Variants in UBN2 observed in about 807,000 individuals in gnomAD.
The protein encoded by UBN2 is ubinuclein-2.
In UBN2, 35 loss-of-function variants were observed where a neutral mutation model predicts 120.2. The observed-to-expected ratio is 0.29, with a 90% CI of 0.22 to 0.39. The LOEUF is 0.39. Ranked by LOEUF, UBN2 falls within the 10% of genes least tolerant of loss-of-function variation. The pLI is 1.00. For synonymous variants in UBN2, 661 were observed against 648.7 expected (o/e 1.02, Z -0.29); for missense variants, 1,693 against 1,663.2 (o/e 1.02, Z -0.31).
chr7:139,236,219 G>T (rs6965283), intron 1 of UBN2, among the ~76,000 whole-genome samples: 151,820 of 151,952 alleles, frequency 1, 75,844 homozygotes, highest in Middle Eastern at 1. Flanking sequence ...GTGTGTGTGT[G>T]TTAAACCATG....
Position 139,272,400 on chromosome 7 carries a change from CAGG to C in UBN2, c.1680_1682del (p.Glu560del). 1 of 1,613,648 alleles carries C rather than the reference CAGG, an allele frequency of 6.2e-7. No homozygotes were observed. Among genetic ancestry groups the C allele is most frequent in the East Asian group, 2.2e-5 (1 of 44,876 alleles). ...CATGCCTGAACAGCTATTTAAATAC[CAGG>C]AGGACTGCCAGGCTCGTAGTCAAGC... On this transcript the variant is annotated inframe_deletion, in exon 9 of 18. Coordinates refer to ENST00000473989, the MANE Select transcript of UBN2 (RefSeq NM_173569.4).
intron 3 of UBN2, among the ~76,000 whole-genome samples, chr7:139,253,993 A>ATGTGGGTTTGGAC (rs1796689813): frequency 6.6e-6 from 1 of 152,138 alleles, no homozygotes; most frequent in Non-Finnish European, 1.5e-5. Flanking sequence ...TCAAACTCCT[A>ATGTGGGTTTGGAC]AGTTAATTCT....
At chr7:139,316,100 AAAAAAAAG>A in the UBN2 span, among the ~76,000 whole-genome samples, 46 of 139,858 alleles carry the variant, frequency 3.3e-4, 2 homozygotes, top group Middle Eastern at 3.7e-3. Flanking sequence ...AAAAAAAAAA[AAAAAAAAG>A]GGGTTCCAGT....
At chr7:139,237,441 G>C (rs541437949) in intron 2 of UBN2, among the ~76,000 whole-genome samples, 2 of 151,978 alleles carry the variant, frequency 1.3e-5, no homozygotes, top group Admixed American at 1.3e-4. Flanking sequence ...TGACTACAGG[G>C]GCAACACCAC....
intron 5 of UBN2, among the ~76,000 whole-genome samples, chr7:139,260,202 G>A (rs1047130106): frequency 1.3e-5 from 2 of 151,968 alleles, no homozygotes; most frequent in African/African-American, 4.8e-5. Context: ...GGGATCAAGG[G>A]ATCCTCCTGC....
At chr7:139,326,582 A>C in the UBN2 span, among the ~76,000 whole-genome samples, 39 of 152,346 alleles carry the variant, frequency 2.6e-4, 1 homozygote, top group Non-Finnish European at 7.3e-5. Flanking sequence ...TGATTTCCTT[A>C]GCACCTAGAA....
rs527846849 is a variant in UBN2, at chr7:139,304,682, G to C, written c.*6846G>C. The C allele has an allele frequency of 2.0e-4, 29 of 146,494 alleles. No homozygotes were observed. Among genetic ancestry groups the C allele is most frequent in the African/African-American group, 6.2e-4 (24 of 38,788 alleles). 9.1% of individuals were successfully genotyped at this position (146,494 alleles called of 1,614,324 possible). ...CTGGTTAATTTCCAGAATTGGCTAA[G>C]GTCCACTGAATCTCTAATGATAGGG... On this transcript the variant is annotated 3_prime_UTR_variant, in exon 18 of 18. Transcript: ENST00000473989.
intron 6 of UBN2, among the ~76,000 whole-genome samples, chr7:139,265,915 C>A (rs1797083824): frequency 6.6e-6 from 1 of 152,156 alleles, no homozygotes; most frequent in South Asian, 2.1e-4. Context: ...GGATAAATTT[C>A]TCTTTTTTCA....
rs1045720779 is a variant in UBN2 at position 139,264,313 on chromosome 7, T to C, written c.1396-2020T>C. Reference sequence around the variant, plus strand: ...TTGACTATATCTATGGTTATTTTTTTCCCCCAAAATATACTGCCTCCAGCC... The same window carrying C: ...TTGACTATATCTATGGTTATTTTTTCCCCCCAAAATATACTGCCTCCAGCC... On this transcript the variant is annotated intron_variant, in intron 6 of 17. Transcript: ENST00000473989. Among the ~76,000 whole-genome samples, 12 of 152,240 alleles carry C rather than the reference T, an allele frequency of 7.9e-5. No individual in the cohort carries two copies. The East Asian group carries it at 9.6e-4, about 12-fold the overall frequency.
chr7:139,258,367 T>C (rs770907060), intron 3 of UBN2, 121 bp from the exon 4 acceptor site: 101 of 624,826 alleles, frequency 1.6e-4, no homozygotes, highest in Admixed American at 3.9e-4. Context: ...AACATCCTTA[T>C]TGCAGTCTGT....
At chr7:139,314,970 A>T in the UBN2 span, among the ~76,000 whole-genome samples, 107 of 150,738 alleles carry the variant, frequency 7.1e-4, 2 homozygotes, top group African/African-American at 2.4e-3. Context: ...TATAATAATA[A>T]TAATAATATT....
chr7:139,273,468 A>T (rs1320036690), intron 10 of UBN2, 58 bp downstream of exon 10: 19 of 1,064,854 alleles, frequency 1.8e-5, no homozygotes, highest in African/African-American at 1.0e-4. Flanking sequence ...ATTCCTCATT[A>T]AAAAAAAATC....
the UBN2 span, chr7:139,315,484 T>C: frequency 6.6e-6 from 1 of 152,222 alleles, no homozygotes; most frequent in Non-Finnish European, 1.5e-5. Flanking sequence ...TCCAGATATC[T>C]ATACCCCAAA....
At chr7:139,321,771 G>T in the UBN2 span, among the ~76,000 whole-genome samples, 1 of 152,150 alleles carries the variant, frequency 6.6e-6, no homozygotes, top group East Asian at 1.9e-4. Flanking sequence ...AACTCATGGA[G>T]TGAAACCTGA....
At chr7:139,315,561 T>C in the UBN2 span, among the ~76,000 whole-genome samples, 5 of 152,330 alleles carry the variant, frequency 3.3e-5, no homozygotes, top group Middle Eastern at 3.4e-3. Context: ...TTGGACTGTT[T>C]CCACTTTTTA....
chr7:139,286,749 C>T (rs1048966750), intron 15 of UBN2, among the ~76,000 whole-genome samples: 11 of 152,076 alleles, frequency 7.2e-5, no homozygotes, highest in African/African-American at 2.7e-4. Flanking sequence ...TAAGGAAGTG[C>T]TCTTTGTACT....
At chr7:139,258,993 T>C (rs1483037506) in intron 4 of UBN2, among the ~76,000 whole-genome samples, 1 of 152,200 alleles carries the variant, frequency 6.6e-6, no homozygotes, top group African/African-American at 2.4e-5. Context: ...ATAGTGTCCT[T>C]GGATAAGTGT....
At chr7:139,288,480 GGA>G (rs1797852622) in intron 15 of UBN2, among the ~76,000 whole-genome samples, 1 of 152,148 alleles carries the variant, frequency 6.6e-6, no homozygotes, top group African/African-American at 2.4e-5. Flanking sequence ...TGGACCATGG[GGA>G]GAGAGTGGTA....
Position 139,284,395 on chromosome 7 carries a change from A to C in UBN2, c.3490A>C (p.Ser1164Arg). The C allele has an allele frequency of 6.2e-7, 1 of 1,614,212 alleles. No homozygotes were observed. The highest frequency in any genetic ancestry group is 8.5e-7 in the Non-Finnish European group (1 of 1,180,040). Residue 1164 changes from serine to arginine, a missense_variant, in exon 15 of 18, where the codon AGT becomes CGT. Physicochemically the swap from Ser to Arg is moderately radical, Grantham distance 110. Transcript: ENST00000473989. ...STGTVGKNSL[S>R]GIAMNVPASR... ...TGGAACTGTTGGGAAGAACAGCTTGAGTGGAATTGCAATGAATGTACCTGC... is the reference window on the plus strand; with the variant it reads ...TGGAACTGTTGGGAAGAACAGCTTGCGTGGAATTGCAATGAATGTACCTGC...
Sources: gnomAD v4.1 joint callset for allele counts (sites outside exome capture counted in the v4.1 genomes callset) on GRCh38, gnomAD v4.1.1 for gene constraint, MANE v1.5 for transcripts, NCBI Gene and HGNC (gene_info 2026-07-23, HGNC 2026-07-21) for gene names.